KDM4C: variants seen among roughly 807,000 people sequenced by gnomAD.
KDM4C encodes the protein lysine-specific demethylase 4C.
KDM4C carries 81 observed loss-of-function variants against 129.3 expected under a neutral mutation model. That is an observed-to-expected ratio of 0.63 (90% CI 0.52 to 0.75). KDM4C has a LOEUF of 0.75. Among genes scored for constraint, KDM4C ranks in the 30% least tolerant of loss-of-function variants. The pLI, the probability that KDM4C is intolerant of heterozygous loss-of-function variation, is 0.00. For missense variants in KDM4C, 1,457 were observed against 1,304.0 expected (o/e 1.12, Z -1.81); for synonymous variants, 573 against 456.1 (o/e 1.26, Z -3.26).
chr9:7,019,706 T>C (rs1824335637), intron 15 of KDM4C, among the ~76,000 whole-genome samples: 2 of 104,386 alleles, frequency 1.9e-5, no homozygotes, highest in African/African-American at 9.1e-5. Context: ...ATAATATTTT[T>C]ATATATAAAA....
At chr9:6,904,712 T>C (rs937944115) in intron 8 of KDM4C, among the ~76,000 whole-genome samples, 4 of 152,186 alleles carry the variant, frequency 2.6e-5, no homozygotes, top group Admixed American at 6.5e-5. Context: ...TATAACTGGG[T>C]CTGTATATTT....
chr9:6,908,482 G>A (rs1455869562), intron 8 of KDM4C, among the ~76,000 whole-genome samples: 3 of 152,170 alleles, frequency 2.0e-5, no homozygotes, highest in East Asian at 1.9e-4. Context: ...GAGAGAATGA[G>A]GCTTGAGTGG....
intron 1 of KDM4C, among the ~76,000 whole-genome samples, chr9:6,734,445 C>T (rs1385141903): frequency 6.6e-6 from 1 of 151,862 alleles, no homozygotes; most frequent in Non-Finnish European, 1.5e-5. Context: ...CAGGCATGCG[C>T]CACCACGCCC....
At chr9:6,771,314 AATTT>A (rs1213257197) in intron 1 of KDM4C, among the ~76,000 whole-genome samples, 2 of 150,572 alleles carry the variant, frequency 1.3e-5, no homozygotes, top group Non-Finnish European at 3.0e-5. Flanking sequence ...CAATTTTTTT[AATTT>A]ATTTATTTTT....
intron 8 of KDM4C, among the ~76,000 whole-genome samples, chr9:6,910,495 A>T (rs185232271): frequency 7.2e-5 from 11 of 152,322 alleles, no homozygotes; most frequent in Admixed American, 7.2e-4. Context: ...CTAAAGCAGA[A>T]ATATAGTCAG....
intron 2 of KDM4C, among the ~76,000 whole-genome samples, chr9:6,803,565 G>C (rs904258714): frequency 6.9e-6 from 1 of 144,962 alleles, no homozygotes; most frequent in African/African-American, 2.6e-5. Context: ...AGCAAAACTC[G>C]GTCTCAAAAA....
At chr9:6,912,897 T>C (rs1322890751) in intron 8 of KDM4C, among the ~76,000 whole-genome samples, 2 of 152,204 alleles carry the variant, frequency 1.3e-5, no homozygotes, top group Non-Finnish European at 2.9e-5. Flanking sequence ...ACTATTTCTA[T>C]TGTTGATATT....
At chr9:7,062,880 A>G (rs182514593) in intron 17 of KDM4C, among the ~76,000 whole-genome samples, 52 of 152,240 alleles carry the variant, frequency 3.4e-4, no homozygotes, top group Admixed American at 3.4e-3. Flanking sequence ...TTGAGGAGGA[A>G]TTGACTTCTG....
intron 18 of KDM4C, among the ~76,000 whole-genome samples, chr9:7,118,773 C>A (rs543298601): frequency 2.0e-5 from 3 of 152,212 alleles, no homozygotes; most frequent in African/African-American, 7.2e-5. Context: ...TGGATTTACG[C>A]CCTTTATTAA....
intron 2 of KDM4C, among the ~76,000 whole-genome samples, chr9:6,794,671 A>C (rs1246094136): frequency 6.6e-6 from 1 of 152,058 alleles, no homozygotes; most frequent in African/African-American, 2.4e-5. Flanking sequence ...AAGATGGGAG[A>C]AGTTGTCTTT....
At chr9:6,887,779 C>G (rs1320042860) in intron 6 of KDM4C, among the ~76,000 whole-genome samples, 181 bp from the exon 7 acceptor site, 2 of 152,110 alleles carry the variant, frequency 1.3e-5, no homozygotes, top group Non-Finnish European at 2.9e-5. Context: ...GGTGATGTAT[C>G]CTTTAATTTT....
intron 10 of KDM4C, 151 bp downstream of exon 10, chr9:6,984,555 C>G (rs1372782066): frequency 1.6e-6 from 1 of 615,982 alleles, no homozygotes; most frequent in South Asian, 1.8e-5. Context: ...AACCAATAGT[C>G]CCAGGGAATA....
At chr9:7,059,242 T>C (rs1831283238) in intron 17 of KDM4C, among the ~76,000 whole-genome samples, 1 of 152,152 alleles carries the variant, frequency 6.6e-6, no homozygotes, top group Non-Finnish European at 1.5e-5. Flanking sequence ...CTGTATCTCC[T>C]GGGCTTAAGC....
At chr9:7,117,626 TACACACACACACACACACACAC>T (rs71315578) in intron 18 of KDM4C, among the ~76,000 whole-genome samples, 5 of 146,916 alleles carry the variant, frequency 3.4e-5, no homozygotes, top group African/African-American at 5.0e-5. Context: ...TGTTAATTTC[TACACACACACACACACACACAC>T]ACACACACAC....
chr9:7,070,558 C>G (rs948058113), intron 17 of KDM4C, among the ~76,000 whole-genome samples: 1 of 152,054 alleles, frequency 6.6e-6, no homozygotes. Flanking sequence ...GCTTATTTAA[C>G]TTTTTAAAAT....
chr9:6,837,403 A>C (rs1006175044), intron 4 of KDM4C, among the ~76,000 whole-genome samples: 4 of 152,228 alleles, frequency 2.6e-5, no homozygotes, highest in Non-Finnish European at 4.4e-5. Flanking sequence ...TTTATACAAT[A>C]CAAAATTCAC....
chr9:7,089,785 C>A (rs765963572), intron 17 of KDM4C, among the ~76,000 whole-genome samples: 2 of 152,194 alleles, frequency 1.3e-5, no homozygotes, highest in African/African-American at 2.4e-5. Context: ...CTTAAAAAAA[C>A]CCAGAAAAAC....
intron 21 of KDM4C, among the ~76,000 whole-genome samples, chr9:7,174,350 G>A (rs1845249393): frequency 6.6e-6 from 1 of 152,216 alleles, no homozygotes; most frequent in Admixed American, 6.5e-5. Context: ...GGGAGATCCT[G>A]GAGAAAGTAG....
intron 17 of KDM4C, among the ~76,000 whole-genome samples, chr9:7,052,909 G>GCGAGACA: frequency 1.0e-5 from 1 of 100,192 alleles, no homozygotes. Context: ...GAGCGAGCGA[G>GCGAGACA]TGCCCAAGGG....
Sources: allele counts gnomAD v4.1 joint callset (sites outside exome capture counted in the v4.1 genomes callset), GRCh38; gene constraint gnomAD v4.1.1; transcripts MANE v1.5; gene names NCBI Gene and HGNC (gene_info 2026-07-23, HGNC 2026-07-21).